Variants in EXOC6B observed in about 807,000 individuals in gnomAD.
EXOC6B encodes SEC15 homolog B.
In EXOC6B, 54 loss-of-function variants were observed where a neutral mutation model predicts 113.5. That is an observed-to-expected ratio of 0.48 (90% CI 0.38 to 0.60). The LOEUF (loss-of-function observed/expected upper bound fraction) is 0.60. Ranked by LOEUF, EXOC6B falls within the 20% of genes least tolerant of loss-of-function variation. The pLI is 0.00. For synonymous variants in EXOC6B, 357 were observed against 339.0 expected, an observed-to-expected ratio of 1.05 and a Z score of -0.58; for missense variants, 797 against 977.5, an observed-to-expected ratio of 0.82 and a Z score of 2.46.
At chr2:72,516,904 C>A (rs140166319) in intron 8 of EXOC6B, among the ~76,000 whole-genome samples, 1 of 152,072 alleles carries the variant, frequency 6.6e-6, no homozygotes, top group Non-Finnish European at 1.5e-5. Context: ...AAGTAAAAGC[C>A]CTGCCCACCT....
At chr2:72,385,221 A>G (rs561218038) in intron 18 of EXOC6B, among the ~76,000 whole-genome samples, 1 of 152,282 alleles carries the variant, frequency 6.6e-6, no homozygotes, top group East Asian at 1.9e-4. Flanking sequence ...TTTATGGTCA[A>G]CAAATTTTTG....
intron 11 of EXOC6B, among the ~76,000 whole-genome samples, chr2:72,508,154 T>A (rs977820717): frequency 1.8e-4 from 8 of 44,992 alleles, no homozygotes; most frequent in African/African-American, 4.4e-4. Context: ...TTCCACAAAA[T>A]ATTACCCGCA....
chr2:72,277,969 C>A (rs1209694979), intron 20 of EXOC6B, among the ~76,000 whole-genome samples: 4 of 151,930 alleles, frequency 2.6e-5, no homozygotes, highest in African/African-American at 4.8e-5. Context: ...GAAATAAAAA[C>A]CAGAAATTGT....
chr2:72,704,185 G>T (rs1446737599), intron 6 of EXOC6B, among the ~76,000 whole-genome samples: 1 of 149,288 alleles, frequency 6.7e-6, no homozygotes, highest in South Asian at 2.2e-4. Flanking sequence ...ACTCAAAACC[G>T]CTCAACTACA....
intron 18 of EXOC6B, among the ~76,000 whole-genome samples, chr2:72,401,509 A>G (rs1212904530): frequency 9.5e-5 from 4 of 42,132 alleles, no homozygotes; most frequent in African/African-American, 8.9e-4. Context: ...ATATATATAT[A>G]TATATACATA....
At chr2:72,407,801 G>C (rs981935596) in intron 18 of EXOC6B, among the ~76,000 whole-genome samples, 6 of 152,246 alleles carry the variant, frequency 3.9e-5, no homozygotes, top group East Asian at 1.9e-4. Context: ...TTGAAAACTG[G>C]CACAAGACAG....
At chr2:72,530,199 G>A (rs1022417672) in intron 8 of EXOC6B, among the ~76,000 whole-genome samples, 1 of 151,956 alleles carries the variant, frequency 6.6e-6, no homozygotes, top group Non-Finnish European at 1.5e-5. Context: ...CTTTTCCTAG[G>A]TTTTAGAGAT....
chr2:72,698,466 T>C (rs547748030), intron 6 of EXOC6B, among the ~76,000 whole-genome samples: 1 of 152,350 alleles, frequency 6.6e-6, no homozygotes, highest in Non-Finnish European at 1.5e-5. Flanking sequence ...CACTGAATAA[T>C]ATTAACATTT....
chr2:72,515,649 A>G, intron 8 of EXOC6B: 1 of 989,546 alleles, frequency 1.0e-6, no homozygotes, highest in Non-Finnish European at 1.2e-6. Flanking sequence ...AAAAGCATGA[A>G]GATTCCTGGT....
chr2:72,221,514 T>C (rs1680863531), intron 20 of EXOC6B, among the ~76,000 whole-genome samples: 1 of 152,156 alleles, frequency 6.6e-6, no homozygotes, highest in African/African-American at 2.4e-5. Flanking sequence ...CCTTTCCCTT[T>C]TTCTGCTTTC....
chr2:72,198,998 C>A (rs1213116278), intron 20 of EXOC6B, among the ~76,000 whole-genome samples: 1 of 152,112 alleles, frequency 6.6e-6, no homozygotes, highest in Admixed American at 6.5e-5. Flanking sequence ...TGGAAAGAAC[C>A]TCCAAGAAGA....
At chr2:72,341,019 G>A (rs961276854) in intron 19 of EXOC6B, among the ~76,000 whole-genome samples, 6 of 152,114 alleles carry the variant, frequency 3.9e-5, no homozygotes, top group African/African-American at 1.4e-4. Flanking sequence ...AGGAGGAGGT[G>A]GAGGTGGAAG....
intron 20 of EXOC6B, among the ~76,000 whole-genome samples, chr2:72,229,309 C>T (rs1304143154): frequency 6.6e-6 from 1 of 152,076 alleles, no homozygotes; most frequent in Non-Finnish European, 1.5e-5. Flanking sequence ...AGATCTAACT[C>T]CAACAGTGAT....
chr2:72,729,283 A>G (rs1680492297), intron 5 of EXOC6B, among the ~76,000 whole-genome samples: 1 of 151,766 alleles, frequency 6.6e-6, no homozygotes, highest in African/African-American at 2.4e-5. Flanking sequence ...TTTAAAGTAT[A>G]TATATACCTC....
chr2:72,742,447 G>A (rs1350416641), intron 1 of EXOC6B, among the ~76,000 whole-genome samples: 1 of 152,108 alleles, frequency 6.6e-6, no homozygotes, highest in Non-Finnish European at 1.5e-5. Flanking sequence ...TTACAGGCAT[G>A]AGCCACCAAG....
intron 20 of EXOC6B, among the ~76,000 whole-genome samples, chr2:72,265,530 T>G (rs1684018315): frequency 6.6e-6 from 1 of 151,874 alleles, no homozygotes; most frequent in Non-Finnish European, 1.5e-5. Flanking sequence ...TGCGATAGTT[T>G]ACTGAGAATG....
chr2:72,719,022 C>T (rs1259476601), intron 5 of EXOC6B, among the ~76,000 whole-genome samples: 1 of 152,168 alleles, frequency 6.6e-6, no homozygotes, highest in Non-Finnish European at 1.5e-5. Flanking sequence ...TTTCAGGGTT[C>T]TGGAAACTAA....
At chr2:72,187,362 T>A (rs1327242434) in intron 20 of EXOC6B, among the ~76,000 whole-genome samples, 53 of 151,942 alleles carry the variant, frequency 3.5e-4, no homozygotes, top group Admixed American at 3.4e-3. Flanking sequence ...TTACCCCAGC[T>A]CTTTTAGCCT....
chr2:72,212,511 T>G (rs1049132516), intron 20 of EXOC6B, among the ~76,000 whole-genome samples: 1 of 152,176 alleles, frequency 6.6e-6, no homozygotes, highest in African/African-American at 2.4e-5. Context: ...TCAAGCATAT[T>G]AACTGAACTG....
Sources: gnomAD v4.1 joint callset for allele counts (sites outside exome capture counted in the v4.1 genomes callset) on GRCh38, gnomAD v4.1.1 for gene constraint, MANE v1.5 for transcripts, NCBI Gene and HGNC (gene_info 2026-07-23, HGNC 2026-07-21) for gene names.